The following DLG2 variants were observed in gnomAD, a reference collection of about 807,000 sequenced individuals.
DLG2 encodes the protein discs large MAGUK scaffold protein 2.
A neutral mutation model predicts 132.5 loss-of-function variants in DLG2; 45 were observed. The observed-to-expected ratio is 0.34, with a 90% CI of 0.27 to 0.44. The LOEUF (loss-of-function observed/expected upper bound fraction) is 0.44, where lower values mean the gene tolerates loss of function less well. Ranked by LOEUF, DLG2 falls within the 20% of genes least tolerant of loss-of-function variation. The pLI, the probability that DLG2 is intolerant of heterozygous loss-of-function variation, is 1.00. For missense variants in DLG2, 1,045 were observed against 1,196.9 expected, an observed-to-expected ratio of 0.87 and a Z score of 1.87; for synonymous variants, 424 against 419.6, an observed-to-expected ratio of 1.01 and a Z score of -0.13.
intron 6 of DLG2, among the ~76,000 whole-genome samples, chr11:84,740,073 G>C (rs1395143579): frequency 6.6e-6 from 1 of 151,746 alleles, no homozygotes; most frequent in Non-Finnish European, 1.5e-5. Flanking sequence ...ACTGCTATTA[G>C]TTTCCATGGC....
At chr11:85,479,284 A>G (rs2093227013) in intron 3 of DLG2, among the ~76,000 whole-genome samples, 1 of 152,164 alleles carries the variant, frequency 6.6e-6, no homozygotes, top group African/African-American at 2.4e-5. Context: ...CTGTCTCATG[A>G]GGGCCCGCTT....
At chr11:84,491,472 G>A (rs376650093) in intron 7 of DLG2, among the ~76,000 whole-genome samples, 1 of 152,078 alleles carries the variant, frequency 6.6e-6, no homozygotes, top group East Asian at 1.9e-4. Context: ...CCAGTCTTGG[G>A]TATGTCTTTA....
intron 8 of DLG2, among the ~76,000 whole-genome samples, chr11:84,249,450 C>CA (rs1359482656): frequency 1.3e-5 from 2 of 152,206 alleles, no homozygotes; most frequent in African/African-American, 4.8e-5. Flanking sequence ...TCTAACTCTA[C>CA]AGCCAAGCTA....
intron 21 of DLG2, among the ~76,000 whole-genome samples, chr11:83,507,758 TTA>T (rs59086507): frequency 0.05 from 4,930 of 99,134 alleles, 65 homozygotes; most frequent in African/African-American, 0.056. Flanking sequence ...TATATTTTTA[TTA>T]TATATATATA....
intron 3 of DLG2, among the ~76,000 whole-genome samples, chr11:85,427,942 G>C (rs548898847): frequency 3.3e-5 from 5 of 151,860 alleles, no homozygotes; most frequent in Non-Finnish European, 5.9e-5. Context: ...ATCTACCAAG[G>C]AAATGGAAAA....
intron 6 of DLG2, among the ~76,000 whole-genome samples, chr11:84,914,767 C>T (rs750700953): frequency 4.6e-5 from 7 of 152,082 alleles, no homozygotes; most frequent in Non-Finnish European, 5.9e-5. Flanking sequence ...TGCTGTGAGG[C>T]CCGGAACAAG....
chr11:84,661,053 A>T (rs2099693956), intron 6 of DLG2, among the ~76,000 whole-genome samples: 1 of 152,184 alleles, frequency 6.6e-6, no homozygotes, highest in East Asian at 1.9e-4. Flanking sequence ...TTTGTTTATG[A>T]TCTACAGATA....
At position 84,292,918 on chromosome 11, in the gene DLG2, C is replaced by CA. The variant is rs201170897; in HGVS notation, c.520-41628dup. On this transcript the variant is annotated intron_variant, in intron 7 of 27. Transcript: ENST00000376104. The stretch of plus-strand genomic sequence containing the variant: ...TAACAATAGCTAATGAGCTAAAAAA[C>CA]AAAAAAAAATTGCAAAAAATCTCAT... 9.3e-4 allele frequency among the ~76,000 whole-genome samples: 141 copies of CA among 151,024 alleles called. 1 individual carries two copies. The highest frequency in any genetic ancestry group is 3.0e-3 in the African/African-American group (123 of 41,176).
At chr11:84,029,094 G>A (rs1288040636) in intron 11 of DLG2, among the ~76,000 whole-genome samples, 2 of 152,002 alleles carry the variant, frequency 1.3e-5, no homozygotes, top group Non-Finnish European at 2.9e-5. Flanking sequence ...CAGGATTACT[G>A]CAGTATATTA....
chr11:84,179,874 T>C (rs150452558), intron 8 of DLG2, among the ~76,000 whole-genome samples: 2 of 152,080 alleles, frequency 1.3e-5, no homozygotes, highest in Non-Finnish European at 2.9e-5. Flanking sequence ...AGAATCCAGA[T>C]AGACAAACTC....
chr11:83,946,549 C>T (rs749109884), intron 14 of DLG2, among the ~76,000 whole-genome samples: 3 of 151,996 alleles, frequency 2.0e-5, no homozygotes, highest in Admixed American at 6.6e-5. Flanking sequence ...TGAAAAAGGT[C>T]GGAAATAGTC....
chr11:85,427,141 C>A (rs1565476785), intron 3 of DLG2, among the ~76,000 whole-genome samples: 2 of 152,182 alleles, frequency 1.3e-5, no homozygotes, highest in Non-Finnish European at 2.9e-5. Context: ...AAGACCAAAT[C>A]TACATCGATT....
intron 2 of DLG2, among the ~76,000 whole-genome samples, chr11:85,620,192 G>T (rs576477320): frequency 5.3e-4 from 80 of 152,118 alleles, no homozygotes; most frequent in Non-Finnish European, 9.7e-4. Context: ...GATCTTTGAT[G>T]TTCATTGTAA....
intron 18 of DLG2, among the ~76,000 whole-genome samples, chr11:83,689,923 TTACATAAA>T (rs1566547512): frequency 6.9e-6 from 1 of 144,324 alleles, no homozygotes. Context: ...TATTATATAT[TTACATAAA>T]TATATAATAT....
intron 6 of DLG2, among the ~76,000 whole-genome samples, chr11:84,700,384 G>A (rs1020395554): frequency 6.6e-6 from 1 of 151,524 alleles, no homozygotes; most frequent in Non-Finnish European, 1.5e-5. Flanking sequence ...AGTTTCATGG[G>A]CATGTAAAAA....
At chr11:84,961,318 C>T (rs1391284908) in intron 6 of DLG2, among the ~76,000 whole-genome samples, 2 of 151,892 alleles carry the variant, frequency 1.3e-5, no homozygotes, top group East Asian at 1.9e-4. Flanking sequence ...CACTACCTCC[C>T]TATGTTATTA....
At chr11:83,488,793 T>G (rs149419842) in intron 21 of DLG2, among the ~76,000 whole-genome samples, 357 of 152,120 alleles carry the variant, frequency 2.3e-3, no homozygotes, top group African/African-American at 8.2e-3. Flanking sequence ...AATAATTGTG[T>G]TCCCCTGGGA....
intron 6 of DLG2, among the ~76,000 whole-genome samples, chr11:84,771,129 A>T (rs1256948064): frequency 1.3e-5 from 2 of 152,142 alleles, no homozygotes; most frequent in East Asian, 3.9e-4. Flanking sequence ...CTTTGGGTAT[A>T]CACTCAGTCG....
Position 83,896,638 on chromosome 11 carries a change from A to G in DLG2, c.1497-22150T>C, listed in dbSNP as rs926313600. On this transcript the variant is annotated intron_variant, in intron 15 of 27. Transcript: ENST00000376104. ...ATTAAAAATACAGAGGTTAATCAAG[A>G]AAATGCAATTTTATAGAGAAAATAG... Among the ~76,000 whole-genome samples, 10 of 152,194 alleles carry G rather than the reference A, an allele frequency of 6.6e-5. 1 individual carries two copies. The highest frequency in any genetic ancestry group is 2.4e-4 in the African/African-American group (10 of 41,434).
Sources: allele counts gnomAD v4.1 joint callset (sites outside exome capture counted in the v4.1 genomes callset), GRCh38; gene constraint gnomAD v4.1.1; transcripts MANE v1.5; gene names NCBI Gene and HGNC (gene_info 2026-07-23, HGNC 2026-07-21).